The following SMARCA1 variants were observed in gnomAD, a reference collection of about 807,000 sequenced individuals.
The protein encoded by SMARCA1 is SNF2 related chromatin remodeling ATPase 1, also known as SWI/SNF-related matrix-associated actin-dependent regulator of chromatin subfamily A member 1.
A neutral mutation model predicts 93.6 loss-of-function variants in SMARCA1; 17 were observed. That is an observed-to-expected ratio of 0.18 (90% CI 0.12 to 0.27). The LOEUF (loss-of-function observed/expected upper bound fraction) is 0.27. Ranked by LOEUF, SMARCA1 falls within the 10% of genes least tolerant of loss-of-function variation. SMARCA1 has a pLI of 1.00. For missense variants in SMARCA1, 630 were observed against 819.0 expected (o/e 0.77, Z 2.82); for synonymous variants, 271 against 271.4 (o/e 1.00, Z 0.01).
intron 6 of SMARCA1, among the ~76,000 whole-genome samples, chrX:129,508,828 A>T (rs1934919236): frequency 8.9e-6 from 1 of 112,585 alleles, no homozygotes; most frequent in South Asian, 3.6e-4. Context: ...AGATGTTATC[A>T]GTCAAAATAA....
Position 129,493,079 on chromosome X carries a change from A to C in SMARCA1, c.1627-4T>G, listed in dbSNP as rs1334226929. The C allele has an allele frequency of 3.1e-5, 15 of 482,266 alleles. No individual in the cohort carries two copies. The highest frequency in any genetic ancestry group is 5.7e-5 in the Non-Finnish European group (15 of 264,782). The allele number at this position is 482,266 out of a possible 1,213,427, so 39.7% of individuals were successfully genotyped here. A position where few individuals can be genotyped will look rare whatever the true frequency, so the allele number is the denominator to read the frequency against. Reference sequence around the variant, plus strand: ...ATTCCACTTCTAGGAATTTATCCTAAGGAAATAATCAGAGATGTGCACAAA... The same window carrying C: ...ATTCCACTTCTAGGAATTTATCCTACGGAAATAATCAGAGATGTGCACAAA... On this transcript the variant is annotated splice_region_variant and splice_polypyrimidine_tract_variant and intron_variant, in intron 12 of 24. Coordinates refer to ENST00000371121, the MANE Select transcript of SMARCA1 (RefSeq NM_001282874.2).
chrX:129,506,625 A>C (rs1602722213), intron 7 of SMARCA1, among the ~76,000 whole-genome samples: 1 of 98,094 alleles, frequency 1.0e-5, no homozygotes, highest in Non-Finnish European at 2.0e-5. Context: ...AGGAGGCGGA[A>C]GTTGCAGTGA....
At chrX:129,522,752 A>G (rs1016084833) in intron 1 of SMARCA1, among the ~76,000 whole-genome samples, 1 of 111,983 alleles carries the variant, frequency 8.9e-6, no homozygotes. Context: ...CTTTAGCGCG[A>G]GTGTGGGATT....
Position 129,448,441 on chromosome X carries a change from T to C in SMARCA1, c.3033A>G (p.Glu1011=). ...TCAGAGTGTTACAGCGTCTCTGGAA[T>C]TCCTAAATGAAGTAATAAAGATTTT... ...DWFIKSRTAM[E]FQRRCNTLIS... is the part of the protein sequence containing the mutation. Residue 1011 remains glutamate, a splice_region_variant and synonymous_variant, in exon 24 of 25, where the codon GAA becomes GAG. Transcript: ENST00000371121. 1 of 1,187,047 alleles carries C rather than the reference T, an allele frequency of 8.4e-7. No homozygotes were observed. The highest frequency in any genetic ancestry group is 1.1e-6 in the Non-Finnish European group (1 of 878,468).
At position 129,465,929 on chromosome X, in the gene SMARCA1, T is replaced by A; in HGVS notation, c.2732A>T (p.Asp911Val). 8.6e-7 allele frequency: 1 copy of A among 1,156,344 alleles called. No individual in the cohort carries two copies. ...AATTTGAGCCATAATTTTCTCAATGTCCTGTAATTCATTGCAACGTTCCCA... is the reference window on the plus strand; with the variant it reads ...AATTTGAGCCATAATTTTCTCAATGACCTGTAATTCATTGCAACGTTCCCA... ...VFWERCNELQ[D>V]IEKIMAQIER... is the part of the protein sequence containing the mutation. Residue 911 changes from aspartate (D) to valine (V), a missense_variant, in exon 22 of 25, where the codon GAC (aspartate) becomes GTC (valine). Coordinates refer to ENST00000371121, the MANE Select transcript of SMARCA1 (RefSeq NM_001282874.2).
intron 18 of SMARCA1, 61 bp from the exon 19 acceptor site, chrX:129,480,875 A>T (rs1933623582): frequency 1.4e-6 from 1 of 721,918 alleles, no homozygotes; most frequent in Non-Finnish European, 2.0e-6. Context: ...AAACTTACTT[A>T]TCTTTTACTA....
intron 23 of SMARCA1, among the ~76,000 whole-genome samples, chrX:129,460,909 C>G (rs927849335): frequency 1.8e-5 from 2 of 111,901 alleles, no homozygotes; most frequent in Non-Finnish European, 3.8e-5. Context: ...AGAGCTAAAG[C>G]AATATTTTCT....
rs1410358783 is a variant in SMARCA1, at chrX:129,523,301, T to C, written c.70A>G (p.Ile24Val). The C allele has an allele frequency of 8.3e-7, 1 of 1,206,041 alleles. No homozygotes were observed. Among genetic ancestry groups the C allele is most frequent in the Admixed American group, 2.2e-5 (1 of 45,795 alleles). Residue 24 changes from isoleucine to valine, a missense_variant, in exon 1 of 25, where the codon ATA (isoleucine) becomes GTA (valine). Physicochemically the swap from Ile to Val is conservative, Grantham distance 29. Around this residue, in one of 4 missense-constraint regions of SMARCA1, gnomAD observed 103 missense variants for 82.0 expected, o/e 1.26. Coordinates refer to ENST00000371121, the MANE Select transcript of SMARCA1 (RefSeq NM_001282874.2). ...AADATATIVV[I>V]EDEQPGPSTS... ...GACGGCCCGGGCTGCTCGTCCTCTA[T>C]GACCACGATAGTGGCGGTCGCATCC...
chrX:129,489,275 T>C (rs920170560), intron 15 of SMARCA1, among the ~76,000 whole-genome samples, 190 bp from the exon 16 acceptor site: 2 of 112,504 alleles, frequency 1.8e-5, no homozygotes, highest in African/African-American at 3.2e-5. Context: ...TATTTCTATA[T>C]AAATTCCCTT....
At chrX:129,508,157 G>A (rs947074844) in intron 6 of SMARCA1, 61 bp from the exon 7 acceptor site, 191 of 653,247 alleles carry the variant, frequency 2.9e-4, no homozygotes, top group Non-Finnish European at 3.0e-4. Context: ...GTTATAAGAT[G>A]ATCACAGAAT....
chrX:129,448,806 A>G (rs1932134621), intron 23 of SMARCA1, among the ~76,000 whole-genome samples: 1 of 111,243 alleles, frequency 9.0e-6, no homozygotes, highest in Non-Finnish European at 1.9e-5. Context: ...TTTATATAAC[A>G]TCCTTAAATG....
intron 7 of SMARCA1, among the ~76,000 whole-genome samples, chrX:129,506,876 C>G (rs1934837801): frequency 9.1e-6 from 1 of 109,867 alleles, no homozygotes; most frequent in Non-Finnish European, 1.9e-5. Flanking sequence ...CAACCACATT[C>G]ATCTACATGC....
chrX:129,465,449 G>A, intron 23 of SMARCA1, 71 bp downstream of exon 23: 1 of 658,506 alleles, frequency 1.5e-6, no homozygotes. Flanking sequence ...GAATCTAGGT[G>A]AAGGATATAT....
At chrX:129,481,346 T>G (rs1000374521) in intron 17 of SMARCA1, among the ~76,000 whole-genome samples, 161 bp from the exon 18 acceptor site, 1 of 112,533 alleles carries the variant, frequency 8.9e-6, no homozygotes, top group Non-Finnish European at 1.9e-5. Context: ...TTCCAAAACA[T>G]AGTGGTACAC....
intron 9 of SMARCA1, among the ~76,000 whole-genome samples, chrX:129,504,479 A>T (rs1464685254): frequency 9.9e-6 from 1 of 101,422 alleles, no homozygotes; most frequent in East Asian, 3.1e-4. Flanking sequence ...ATTGGAGAGG[A>T]CCACATTATT....
At chrX:129,491,901 G>C in intron 14 of SMARCA1, 40 bp downstream of exon 14, 1 of 1,029,156 alleles carries the variant, frequency 9.7e-7, no homozygotes, top group South Asian at 2.3e-5. Flanking sequence ...ATAGTATTCA[G>C]AGCTATGATA....
rs751130524 is a variant in SMARCA1 at position 129,477,361 on chromosome X, T to C, written c.2442+3340A>G. On this transcript the variant is annotated intron_variant, in intron 19 of 24. Coordinates refer to ENST00000371121, the MANE Select transcript of SMARCA1 (RefSeq NM_001282874.2). ...AGAGATCAAGAAATCCAGACCATCC[T>C]GGCCAACATGGTAAAACCCCATCTC... 4.5e-5 allele frequency among the ~76,000 whole-genome samples: 5 copies of C among 111,507 alleles called. No homozygotes were observed. The East Asian group carries it at 1.4e-3, about 31-fold the overall frequency.
At chrX:129,496,906 A>G in intron 11 of SMARCA1, 35 bp from the exon 12 acceptor site, 3 of 1,168,030 alleles carry the variant, frequency 2.6e-6, no homozygotes, top group Non-Finnish European at 3.5e-6. Context: ...TGAGTTGTAC[A>G]ACTTGTGTGA....
intron 23 of SMARCA1, among the ~76,000 whole-genome samples, chrX:129,451,019 C>T (rs1684053245): frequency 9.0e-6 from 1 of 111,578 alleles, no homozygotes; most frequent in Non-Finnish European, 1.9e-5. Context: ...CAGAGTCTAG[C>T]CAGAAAAAAA....
Sources: gnomAD v4.1 joint callset for allele counts (sites outside exome capture counted in the v4.1 genomes callset) on GRCh38, gnomAD v4.1.1 for gene constraint, gnomAD v4.1.1 regional missense constraint, MANE v1.5 for transcripts, NCBI Gene and HGNC (gene_info 2026-07-23, HGNC 2026-07-21) for gene names.